Variants in ITGBL1 observed in about 807,000 individuals in gnomAD.
ITGBL1 encodes the protein integrin subunit beta like 1.
Under a neutral mutation model 68.5 loss-of-function variants are expected in ITGBL1, and 51 were observed. That is an observed-to-expected ratio of 0.74 (90% CI 0.59 to 0.94). The LOEUF (loss-of-function observed/expected upper bound fraction) is 0.94, where lower values mean the gene tolerates loss of function less well. ITGBL1 is among the 40% of genes least tolerant of loss of function. The pLI, the probability that ITGBL1 is intolerant of heterozygous loss-of-function variation, is 0.00. For synonymous variants in ITGBL1, 209 were observed against 227.3 expected, an observed-to-expected ratio of 0.92 and a Z score of 0.72; for missense variants, 649 against 647.4, an observed-to-expected ratio of 1.00 and a Z score of -0.03.
At position 101,575,504 on chromosome 13, in the gene ITGBL1, G is replaced by T; in HGVS notation, c.544G>T (p.Asp182Tyr). Reference sequence around the variant, plus strand: ...GTATGGTAAATTTTGTGAGTGTGACGATAGAGAATGCATAGACGATGAAAC... The same window carrying T: ...GTATGGTAAATTTTGTGAGTGTGACTATAGAGAATGCATAGACGATGAAAC... Reference protein sequence around the residue: ...LVYGKFCECDDRECIDDETEE... With the variant: ...LVYGKFCECDYRECIDDETEE... Residue 182 changes from aspartate (D) to tyrosine (Y), a missense_variant, in exon 4 of 11, where the codon GAT becomes TAT. Transcript: ENST00000376180. 1.9e-6 allele frequency: 3 copies of T among 1,612,524 alleles called. No homozygotes were observed. Among genetic ancestry groups the T allele is most frequent in the Non-Finnish European group, 2.5e-6 (3 of 1,178,772 alleles).
intron 2 of ITGBL1, among the ~76,000 whole-genome samples, chr13:101,524,349 T>C (rs1242607359): frequency 6.6e-6 from 1 of 151,042 alleles, no homozygotes; most frequent in East Asian, 2.0e-4. Context: ...AAGTTCTTTT[T>C]TGGTGAGAGA....
intron 2 of ITGBL1, among the ~76,000 whole-genome samples, chr13:101,508,285 C>T (rs78552549): frequency 0.01 from 1,535 of 152,236 alleles, 23 homozygotes; most frequent in African/African-American, 0.034. Context: ...ATTTGTAATA[C>T]GATCAATTCA....
chr13:101,598,652 T>C (rs1594916751), intron 7 of ITGBL1, among the ~76,000 whole-genome samples: 1 of 152,114 alleles, frequency 6.6e-6, no homozygotes, highest in Non-Finnish European at 1.5e-5. Context: ...GTTCTCATTG[T>C]TCAATTCCCA....
intron 2 of ITGBL1, among the ~76,000 whole-genome samples, chr13:101,522,770 G>A (rs2049307056): frequency 6.6e-6 from 1 of 152,130 alleles, no homozygotes; most frequent in Non-Finnish European, 1.5e-5. Context: ...TAAAAATGAT[G>A]ACAAGTCAGA....
At chr13:101,521,548 G>T (rs981904727) in intron 2 of ITGBL1, among the ~76,000 whole-genome samples, 2 of 152,066 alleles carry the variant, frequency 1.3e-5, no homozygotes, top group Admixed American at 1.3e-4. Flanking sequence ...AAGGGAATGA[G>T]AAGGGAGGGT....
At chr13:101,680,094 A>G (rs1373945101) in intron 7 of ITGBL1, among the ~76,000 whole-genome samples, 5 of 152,190 alleles carry the variant, frequency 3.3e-5, no homozygotes, top group Admixed American at 2.0e-4. Context: ...CTGTTTTGAA[A>G]TGGAAGGTGA....
At chr13:101,493,893 ATTT>A (rs2048817632) in intron 2 of ITGBL1, among the ~76,000 whole-genome samples, 1 of 152,212 alleles carries the variant, frequency 6.6e-6, no homozygotes, top group Non-Finnish European at 1.5e-5. Context: ...CTAGTTTCTA[ATTT>A]CAGATCCATT....
chr13:101,588,448 G>A (rs2050596511), intron 6 of ITGBL1, among the ~76,000 whole-genome samples: 1 of 152,068 alleles, frequency 6.6e-6, no homozygotes, highest in Non-Finnish European at 1.5e-5. Flanking sequence ...TGCCTACACA[G>A]TTTAAAGGAA....
chr13:101,569,171 T>C (rs1212441614), intron 3 of ITGBL1, among the ~76,000 whole-genome samples: 7 of 152,168 alleles, frequency 4.6e-5, no homozygotes, highest in Non-Finnish European at 1.0e-4. Context: ...AAAAAATTAT[T>C]CTTTTCAAAC....
chr13:101,565,012 G>A (rs377354873), intron 2 of ITGBL1, among the ~76,000 whole-genome samples: 1 of 151,890 alleles, frequency 6.6e-6, no homozygotes, highest in South Asian at 2.1e-4. Context: ...TGAGAGAGAG[G>A]CATGGAACAG....
chr13:101,688,918 G>A (rs1455706006), intron 7 of ITGBL1, among the ~76,000 whole-genome samples: 1 of 151,996 alleles, frequency 6.6e-6, no homozygotes, highest in African/African-American at 2.4e-5. Context: ...CATTATGATT[G>A]CCGGGCATAG....
chr13:101,476,287 A>G (rs1311141696), intron 2 of ITGBL1, among the ~76,000 whole-genome samples: 1 of 152,148 alleles, frequency 6.6e-6, no homozygotes, highest in Non-Finnish European at 1.5e-5. Context: ...ATAATGAATT[A>G]TAAGATATTA....
chr13:101,711,422 A>G (rs561593818), intron 9 of ITGBL1: 1 of 152,470 alleles, frequency 6.6e-6, no homozygotes, highest in African/African-American at 2.4e-5. Context: ...AAAGAGTGAA[A>G]GATGCTTCAC....
At chr13:101,657,530 T>C (rs1474384556) in intron 7 of ITGBL1, among the ~76,000 whole-genome samples, 1 of 152,218 alleles carries the variant, frequency 6.6e-6, no homozygotes, top group Non-Finnish European at 1.5e-5. Flanking sequence ...TTGATTTTCA[T>C]TTGTTTTATT....
At chr13:101,514,781 G>A (rs2049169133) in intron 2 of ITGBL1, among the ~76,000 whole-genome samples, 1 of 152,012 alleles carries the variant, frequency 6.6e-6, no homozygotes, top group Non-Finnish European at 1.5e-5. Context: ...ATACACATGG[G>A]TGTGGTATGT....
At chr13:101,605,751 C>T (rs118102857) in intron 7 of ITGBL1, among the ~76,000 whole-genome samples, 2,148 of 148,496 alleles carry the variant, frequency 0.014, 25 homozygotes, top group Non-Finnish European at 0.022. Flanking sequence ...TATGTATGTG[C>T]GTATATGTGT....
At chr13:101,550,493 A>G (rs1031026939) in intron 2 of ITGBL1, among the ~76,000 whole-genome samples, 2 of 152,146 alleles carry the variant, frequency 1.3e-5, no homozygotes, top group Non-Finnish European at 1.5e-5. Flanking sequence ...TTGATATTCC[A>G]GTTACTGATC....
Position 101,498,034 on chromosome 13 carries a change from A to AC in ITGBL1, c.316+43935dup, listed in dbSNP as rs755840638. ...GTGTCTGGTTCTGTGTTGGGATTTC[A>AC]CTCAGTAAGGTTTTCCATTCAGTTT... On this transcript the variant is annotated intron_variant, in intron 2 of 10. Transcript: ENST00000376180. Among the ~76,000 whole-genome samples the AC allele has an allele frequency of 8.6e-5, 13 of 151,876 alleles. 1 individual carries two copies. Among genetic ancestry groups the AC allele is most frequent in the Middle Eastern group, 3.4e-3 (1 of 294 alleles).
At chr13:101,492,371 C>A (rs1280326010) in intron 2 of ITGBL1, among the ~76,000 whole-genome samples, 1 of 152,206 alleles carries the variant, frequency 6.6e-6, no homozygotes, top group Admixed American at 6.5e-5. Context: ...TTGCTATTTT[C>A]TGAGAACAGG....
Sources: allele counts gnomAD v4.1 joint callset (sites outside exome capture counted in the v4.1 genomes callset), GRCh38; gene constraint gnomAD v4.1.1; transcripts MANE v1.5; gene names NCBI Gene and HGNC (gene_info 2026-07-23, HGNC 2026-07-21).